Variants in GOLGB1 observed in about 807,000 individuals in gnomAD.
GOLGB1 encodes golgin B1, also known as golgin subfamily B member 1.
Under a neutral mutation model 336.9 loss-of-function variants are expected in GOLGB1, and 174 were observed. That is an observed-to-expected ratio of 0.52 (90% CI 0.46 to 0.59). The LOEUF (loss-of-function observed/expected upper bound fraction) is 0.59, where lower values mean the gene tolerates loss of function less well. Among genes scored for constraint, GOLGB1 ranks in the 20% least tolerant of loss-of-function variants. GOLGB1 has a pLI of 0.00. For missense variants in GOLGB1, 3,331 were observed against 3,645.3 expected (o/e 0.91, Z 2.22); for synonymous variants, 1,208 against 1,289.2 (o/e 0.94, Z 1.35).
At chr3:121,707,905 G>A (rs1473617182) in intron 10 of GOLGB1, among the ~76,000 whole-genome samples, 3 of 152,104 alleles carry the variant, frequency 2.0e-5, no homozygotes, top group South Asian at 2.1e-4. Flanking sequence ...ATCTACAAAC[G>A]AAGAATGAAA....
At chr3:121,682,196 T>TA (rs1349287121) in intron 14 of GOLGB1, among the ~76,000 whole-genome samples, 1 of 152,236 alleles carries the variant, frequency 6.6e-6, no homozygotes, top group Non-Finnish European at 1.5e-5. Flanking sequence ...AGAGCTTCAC[T>TA]GTGGGTGGTC....
rs751283520 is a variant in GOLGB1, at chr3:121,698,654, T to A, written c.1869A>T (p.Thr623=). Residue 623 remains threonine, a synonymous_variant, in exon 13 of 22, where the codon ACA becomes ACT. Coordinates refer to ENST00000614479, the MANE Select transcript of GOLGB1 (RefSeq NM_001366282.2). ...TTGGCATTAAGGGAAAATCTTGCCCTGTATCTTCAAGAAATACTTTCATTT... is the reference window on the plus strand; with the variant it reads ...TTGGCATTAAGGGAAAATCTTGCCCAGTATCTTCAAGAAATACTTTCATTT... ...PIKMKVFLED[T]GQDFPLMPNE... 2 of 1,613,906 alleles carry A rather than the reference T, an allele frequency of 1.2e-6. No homozygotes were observed. The highest frequency in any genetic ancestry group is 1.7e-5 in the Admixed American group (1 of 60,008).
chr3:121,701,174 A>C (rs1273361525), intron 11 of GOLGB1, among the ~76,000 whole-genome samples: 1 of 152,180 alleles, frequency 6.6e-6, no homozygotes, highest in Non-Finnish European at 1.5e-5. Flanking sequence ...CAGACACAAA[A>C]ACCAATACAG....
rs1560213630 is a variant in GOLGB1, at chr3:121,691,834, AT to A, written c.7529del (p.Asn2510IlefsTer11). ...DQLIQEAAAE[N>X]NKLKEEIRGL... ...CTCGTATTTCTTCTTTAAGCTTATT[AT>A]TCTCTGCAGCAGCCTCTTGGATGAG... On this transcript the variant is annotated frameshift_variant, in exon 14 of 22. Transcript: ENST00000614479. LOFTEE classifies it high-confidence loss of function. 1.2e-6 allele frequency: 2 copies of A among 1,613,144 alleles called. No homozygotes were observed. Among genetic ancestry groups the A allele is most frequent in the South Asian group, 2.2e-5 (2 of 90,808 alleles).
rs543785967 is a variant in GOLGB1, at chr3:121,691,003, A to T, written c.8361T>A (p.Asp2787Glu). Residue 2787 changes from aspartate to glutamate, a missense_variant, in exon 14 of 22, where the codon GAT becomes GAA. Asp to Glu is a conservative substitution (Grantham distance 45). Transcript: ENST00000614479. ...AAAAGGCGGTTTCAGAAAGAAGAGC[A>T]TCTCTCTCTCTGTTTAAGAGTCCCT... ...KEQGLLNRER[D>E]ALLSETAFSM... 4.3e-6 allele frequency: 7 copies of T among 1,613,672 alleles called. No individual in the cohort carries two copies. In the South Asian group the frequency reaches 6.6e-5, roughly 15 times the overall value.
At chr3:121,681,980 A>C in intron 14 of GOLGB1, 115 bp from the exon 15 acceptor site, 1 of 692,824 alleles carries the variant, frequency 1.4e-6, no homozygotes, top group Non-Finnish European at 2.5e-6. Context: ...CCAGCACCTA[A>C]CAGTCCACTG....
At position 121,691,513 on chromosome 3, in the gene GOLGB1, G is replaced by C. The variant is rs746772745; in HGVS notation, c.7851C>G (p.Ser2617=). The change falls in exon 14 of 22, where the codon TCC becomes TCG. Residue 2617 remains serine, a synonymous_variant. Transcript: ENST00000614479. ...AGGCTGTTACTTGTCTTGTTAGCTG[G>C]GATATAGATACTTTCAAACTCTCAA... ...KEIESLKVSI[S]QLTRQVTALQ... 1 of 1,611,804 alleles carries C rather than the reference G, an allele frequency of 6.2e-7. No individual in the cohort carries two copies. Among genetic ancestry groups the C allele is most frequent in the African/African-American group, 1.3e-5 (1 of 74,736 alleles).
Position 121,694,295 on chromosome 3 carries a change from T to C in GOLGB1, c.6228A>G (p.Lys2076=). Residue 2076 remains lysine, a synonymous_variant, in exon 13 of 22, where the codon AAA becomes AAG. Transcript: ENST00000614479. ...AGCTAGCTAATTCTGCTTGTGCCTT[T>C]TTGCGGTGTTCAACTGCTTGAGCCA... The part of the protein sequence containing the change: ...ENLAQAVEHR[K]KAQAELASFK... The C allele has an allele frequency of 6.2e-7, 1 of 1,610,698 alleles. No individual in the cohort carries two copies. The highest frequency in any genetic ancestry group is 1.3e-5 in the African/African-American group (1 of 75,006).
chr3:121,688,157 G>A (rs1193865880), intron 14 of GOLGB1, among the ~76,000 whole-genome samples: 2 of 151,750 alleles, frequency 1.3e-5, no homozygotes, highest in African/African-American at 2.4e-5. Flanking sequence ...TAGAATTTTC[G>A]CTCTCCCTCT....
rs1560225629 is a variant in GOLGB1, at chr3:121,694,621, T to G, written c.5902A>C (p.Lys1968Gln). The G allele has an allele frequency of 1.2e-6, 2 of 1,612,112 alleles. No individual in the cohort carries two copies. The highest frequency in any genetic ancestry group is 1.7e-6 in the Non-Finnish European group (2 of 1,179,966). The change falls in exon 13 of 22, where the codon AAG becomes CAG. Residue 1968 changes from lysine to glutamine, a missense_variant. Physicochemically the swap from Lys to Gln is moderately conservative, Grantham distance 53. Coordinates refer to ENST00000614479, the MANE Select transcript of GOLGB1 (RefSeq NM_001366282.2). ...TCTTCTTCCAATTCACTCACACACT[T>G]TTTAAGGTTCTTCATTTCAGATTCC... is the stretch of plus-strand genomic sequence containing the variant. The part of the protein sequence containing the change: ...LLESEMKNLK[K>Q]CVSELEEEKQ...
chr3:121,685,533 CTAAATAAATAAA>C (rs113841968), intron 14 of GOLGB1, among the ~76,000 whole-genome samples: 45,894 of 145,488 alleles, frequency 0.32, 7,459 homozygotes, highest in East Asian at 0.52. Context: ...GACTCTGTTT[CTAAATAAATAAA>C]TAAATAAATA....
At position 121,691,493 on chromosome 3, in the gene GOLGB1, G is replaced by A. The variant is rs1205213439; in HGVS notation, c.7871C>T (p.Thr2624Ile). 6.2e-7 allele frequency: 1 copy of A among 1,612,462 alleles called. No homozygotes were observed. Among genetic ancestry groups the A allele is most frequent in the South Asian group, 1.1e-5 (1 of 90,596 alleles). ...VSISQLTRQV[T>I]ALQEEGTLGL... ...TAAAGTACCTTCTTCTTGCAAGGCT[G>A]TTACTTGTCTTGTTAGCTGGGATAT... Residue 2624 changes from threonine (T) to isoleucine (I), a missense_variant, in exon 14 of 22, where the codon ACA becomes ATA. Physicochemically the swap from Thr to Ile is moderately conservative, Grantham distance 89. Coordinates refer to ENST00000614479, the MANE Select transcript of GOLGB1 (RefSeq NM_001366282.2).
intron 11 of GOLGB1, among the ~76,000 whole-genome samples, chr3:121,700,735 TC>T (rs1404302245): frequency 6.6e-6 from 1 of 152,056 alleles, no homozygotes; most frequent in Non-Finnish European, 1.5e-5. Context: ...ACTGCTTTTT[TC>T]TCTGCCTGGA....
chr3:121,742,751 A>C (rs1196769433), intron 1 of GOLGB1, among the ~76,000 whole-genome samples: 1 of 152,208 alleles, frequency 6.6e-6, no homozygotes, highest in Non-Finnish European at 1.5e-5. Context: ...GAACCTACAA[A>C]GAACTTAAAC....
chr3:121,672,194 G>C (rs1939638660), intron 17 of GOLGB1, among the ~76,000 whole-genome samples: 1 of 152,130 alleles, frequency 6.6e-6, no homozygotes, highest in Non-Finnish European at 1.5e-5. Flanking sequence ...TTAGCTTTTT[G>C]AGATACCTCC....
At chr3:121,700,972 A>G (rs907305451) in intron 11 of GOLGB1, among the ~76,000 whole-genome samples, 1 of 152,174 alleles carries the variant, frequency 6.6e-6, no homozygotes, top group African/African-American at 2.4e-5. Flanking sequence ...GTTCATAGCT[A>G]TATACCCAGC....
Position 121,691,978 on chromosome 3 carries a change from T to C in GOLGB1, c.7386A>G (p.Ala2462=). The C allele has an allele frequency of 6.2e-7, 1 of 1,614,082 alleles. No individual in the cohort carries two copies. The highest frequency in any genetic ancestry group is 8.5e-7 in the Non-Finnish European group (1 of 1,179,916). Residue 2462 remains alanine (A), a synonymous_variant, in exon 14 of 22, where the codon GCA becomes GCG. Transcript: ENST00000614479. ...TGGATTTAACAAAGGAATCCAACTG[T>C]GCCTTTTGCTGAATGTTTTCCTTTT... ...TIKKENIQQK[A]QLDSFVKSMS...
At position 121,716,998 on chromosome 3, in the gene GOLGB1, G is replaced by C; in HGVS notation, c.1027C>G (p.Leu343Val). Residue 343 changes from leucine (L) to valine (V), a missense_variant, in exon 9 of 22, where the codon CTG (leucine) becomes GTG (valine). Coordinates refer to ENST00000614479, the MANE Select transcript of GOLGB1 (RefSeq NM_001366282.2). The part of the protein sequence containing the change: ...VAERKLSFHN[L>V]QEEMHHLLEQ... ...AAAAGATGATGCATTTCTTCCTGCA[G>C]ATTATGGAAGGATAATTTTCTCTCT... is the stretch of plus-strand genomic sequence containing the variant. 1 of 1,614,010 alleles carries C rather than the reference G, an allele frequency of 6.2e-7. No individual in the cohort carries two copies. The highest frequency in any genetic ancestry group is 8.5e-7 in the Non-Finnish European group (1 of 1,179,948).
Position 121,677,437 on chromosome 3 carries a change from A to C in GOLGB1, c.8887T>G (p.Ser2963Ala). The change falls in exon 16 of 22, where the codon TCC becomes GCC. Residue 2963 changes from serine (S) to alanine (A), a missense_variant. Ser to Ala is a moderately conservative substitution (Grantham distance 99, BLOSUM62 1). Transcript: ENST00000614479. Reference sequence around the variant, plus strand: ...ATTCTCCTCTCATGTATTTCCCAGGAACTCTTCTCCATCCTAGAAAAAACA... The same window carrying C: ...ATTCTCCTCTCATGTATTTCCCAGGCACTCTTCTCCATCCTAGAAAAAACA... The part of the protein sequence containing the change: ...ELHQLRMEKS[S>A]WEIHERRMKE... 1 of 1,607,816 alleles carries C rather than the reference A, an allele frequency of 6.2e-7. No individual in the cohort carries two copies. The highest frequency in any genetic ancestry group is 8.5e-7 in the Non-Finnish European group (1 of 1,174,554).
Sources: allele counts gnomAD v4.1 joint callset (sites outside exome capture counted in the v4.1 genomes callset), GRCh38; gene constraint gnomAD v4.1.1; transcripts MANE v1.5; gene names NCBI Gene and HGNC (gene_info 2026-07-23, HGNC 2026-07-21).